The following EPB41L3 variants were observed in gnomAD, a reference collection of about 807,000 sequenced individuals.
EPB41L3 encodes band 4.1-like protein 3.
In EPB41L3, 57 loss-of-function variants were observed where a neutral mutation model predicts 127.1. That is an observed-to-expected ratio of 0.45 (90% confidence interval 0.36 to 0.56). The LOEUF is 0.56. Ranked by LOEUF, EPB41L3 falls within the 20% of genes least tolerant of loss-of-function variation. The pLI, the probability that EPB41L3 is intolerant of heterozygous loss-of-function variation, is 0.00. For missense variants in EPB41L3, 1,273 were observed against 1,372.2 expected (o/e 0.93, Z 1.14); for synonymous variants, 572 against 549.5 (o/e 1.04, Z -0.57).
At chr18:5,593,208 CT>C (rs1186955700) in intron 3 of EPB41L3, among the ~76,000 whole-genome samples, 336 of 151,976 alleles carry the variant, frequency 2.2e-3, no homozygotes, top group African/African-American at 6.8e-3. Flanking sequence ...CCCCACCCCC[CT>C]GTCCCTGTAT....
intron 3 of EPB41L3, among the ~76,000 whole-genome samples, chr18:5,607,877 G>T: frequency 1.3e-5 from 2 of 150,662 alleles, no homozygotes; most frequent in South Asian, 4.1e-4. Flanking sequence ...TATCTGGGAT[G>T]CACCAAAATT....
intron 2 of EPB41L3, among the ~76,000 whole-genome samples, chr18:5,483,060 T>C (rs1270831206): frequency 1.3e-5 from 2 of 152,070 alleles, no homozygotes; most frequent in African/African-American, 4.8e-5. Flanking sequence ...AAAGACAACC[T>C]ATCAAAAACA....
chr18:5,559,177 C>A (rs985879841), intron 3 of EPB41L3, among the ~76,000 whole-genome samples: 1 of 152,128 alleles, frequency 6.6e-6, no homozygotes, highest in Non-Finnish European at 1.5e-5. Context: ...TGAACAGTTA[C>A]ACCAAAGTTG....
At chr18:5,580,877 G>A (rs1466433678) in intron 3 of EPB41L3, among the ~76,000 whole-genome samples, 2 of 152,072 alleles carry the variant, frequency 1.3e-5, no homozygotes, top group East Asian at 1.9e-4. Flanking sequence ...GCCTCATAAC[G>A]TCCATTCTGG....
At chr18:5,472,286 C>A (rs770041078) in intron 3 of EPB41L3, among the ~76,000 whole-genome samples, 1 of 151,944 alleles carries the variant, frequency 6.6e-6, no homozygotes, top group African/African-American at 2.4e-5. Context: ...TGTAACTGTT[C>A]CTATGGTTGC....
At position 5,415,989 on chromosome 18, in the gene EPB41L3, A is replaced by G. The variant is rs1418118946; in HGVS notation, c.1896T>C (p.Leu632=). ...QHYLPIRSPS[L]VPCFLFIFFF... ...AAAAGATGAAGAGGAAACAGGGCAC[A>G]AGGGACGGTGAGCGGATCGGGAGGT... Residue 632 remains leucine, a synonymous_variant, in exon 13 of 23, where the codon CTT becomes CTC. Coordinates refer to ENST00000341928, the MANE Select transcript of EPB41L3 (RefSeq NM_012307.5). 21 of 1,614,136 alleles carry G rather than the reference A, an allele frequency of 1.3e-5. No homozygotes were observed. The highest frequency in any genetic ancestry group is 1.8e-5 in the Non-Finnish European group (21 of 1,180,024).
rs748182717 is a variant in EPB41L3 at position 5,410,598 on chromosome 18, T to C, written c.2089A>G (p.Thr697Ala). The change falls in exon 14 of 23, where the codon ACC becomes GCC. Residue 697 changes from threonine to alanine, a missense_variant. Physicochemically the swap from Thr to Ala is moderately conservative, Grantham distance 58. Coordinates refer to ENST00000341928, the MANE Select transcript of EPB41L3 (RefSeq NM_012307.5). ...EEETDSERTD[T>A]AADGETTATE... ...GCAGTGGTCTCCCCGTCGGCTGCGG[T>C]GTCCGTGCGCTCACTGTCAGTCTGT... The C allele has an allele frequency of 2.5e-6, 4 of 1,613,740 alleles. No homozygotes were observed. Among genetic ancestry groups the C allele is most frequent in the South Asian group, 1.1e-5 (1 of 91,010 alleles).
At chr18:5,491,289 A>G (rs1268364637) in intron 1 of EPB41L3, among the ~76,000 whole-genome samples, 1 of 152,210 alleles carries the variant, frequency 6.6e-6, no homozygotes, top group African/African-American at 2.4e-5. Flanking sequence ...GGATGACCTC[A>G]TGGACCATGA....
intron 15 of EPB41L3, 183 bp from the exon 16 acceptor site, chr18:5,407,151 A>C: frequency 1.7e-6 from 1 of 598,150 alleles, no homozygotes; most frequent in East Asian, 2.8e-5. Context: ...CATGGAAAGG[A>C]AACAGAAAAA....
intron 3 of EPB41L3, among the ~76,000 whole-genome samples, chr18:5,449,069 G>T (rs1176781994): frequency 6.6e-6 from 1 of 152,120 alleles, no homozygotes; most frequent in Non-Finnish European, 1.5e-5. Flanking sequence ...GAGACTGGCT[G>T]AAAATATTTG....
chr18:5,490,261 T>C (rs1198938091), intron 1 of EPB41L3, among the ~76,000 whole-genome samples: 1 of 152,240 alleles, frequency 6.6e-6, no homozygotes, highest in African/African-American at 2.4e-5. Context: ...TATCTCATTA[T>C]TGTCATACAA....
intron 1 of EPB41L3, among the ~76,000 whole-genome samples, chr18:5,542,989 C>T (rs1366536342): frequency 1.3e-5 from 2 of 152,172 alleles, no homozygotes; most frequent in Non-Finnish European, 2.9e-5. Flanking sequence ...CCCTAGCCTC[C>T]CCACCCCCAC....
intron 3 of EPB41L3, among the ~76,000 whole-genome samples, chr18:5,446,120 AAAATCCATTAAAC>A (rs2081442685): frequency 1.3e-5 from 2 of 152,202 alleles, no homozygotes; most frequent in African/African-American, 4.8e-5. Flanking sequence ...ACCACTTTCT[AAAATCCATTAAAC>A]AAATTTCATT....
chr18:5,538,124 T>G (rs1270098652), intron 1 of EPB41L3, among the ~76,000 whole-genome samples: 1 of 152,044 alleles, frequency 6.6e-6, no homozygotes, highest in Non-Finnish European at 1.5e-5. Context: ...GAACTCTGAT[T>G]GAGTTATTCA....
chr18:5,431,510 A>C (rs1363925865), intron 8 of EPB41L3: 1 of 152,246 alleles, frequency 6.6e-6, no homozygotes, highest in East Asian at 1.9e-4. Context: ...TTGAAATCAC[A>C]TTATTAAATG....
At chr18:5,597,139 A>C (rs1302053849) in intron 3 of EPB41L3, among the ~76,000 whole-genome samples, 1 of 152,142 alleles carries the variant, frequency 6.6e-6, no homozygotes, top group Non-Finnish European at 1.5e-5. Flanking sequence ...CCTCACCTCA[A>C]TCTGGGTCTA....
intron 2 of EPB41L3, among the ~76,000 whole-genome samples, chr18:5,613,798 C>T (rs767106941): frequency 3.9e-5 from 6 of 152,044 alleles, no homozygotes; most frequent in Admixed American, 6.6e-5. Context: ...AGCCTTTACC[C>T]GAAGCTATTT....
At chr18:5,518,559 G>T (rs541243075) in intron 1 of EPB41L3, 5 of 152,318 alleles carry the variant, frequency 3.3e-5, no homozygotes, top group Admixed American at 2.0e-4. Flanking sequence ...GCAGGGGTTT[G>T]TATCTGCTTG....
intron 3 of EPB41L3, among the ~76,000 whole-genome samples, chr18:5,566,809 A>G (rs1178068655): frequency 2.1e-5 from 3 of 145,208 alleles, no homozygotes; most frequent in Non-Finnish European, 4.5e-5. Flanking sequence ...ATTCCATTCT[A>G]ATTTTATTTT....
Sources: allele counts gnomAD v4.1 joint callset (sites outside exome capture counted in the v4.1 genomes callset), GRCh38; gene constraint gnomAD v4.1.1; transcripts MANE v1.5; gene names NCBI Gene and HGNC (gene_info 2026-07-23, HGNC 2026-07-21).